ATP11B: variants seen among roughly 807,000 people sequenced by gnomAD.
ATP11B encodes ATPase phospholipid transporting 11B (putative).
ATP11B carries 81 observed loss-of-function variants against 157.8 expected under a neutral mutation model. That is an observed-to-expected ratio of 0.51 (90% CI 0.43 to 0.62). The LOEUF (loss-of-function observed/expected upper bound fraction) is 0.62. Ranked by LOEUF, ATP11B falls within the 20% of genes least tolerant of loss-of-function variation. The probability of loss-of-function intolerance (pLI) is 0.00; values close to 1 mark genes in which losing one functional copy is unlikely to be tolerated. For synonymous variants in ATP11B, 451 were observed against 469.4 expected (o/e 0.96, Z 0.51); for missense variants, 1,165 against 1,402.2 (o/e 0.83, Z 2.70).
chr3:182,884,937 A>G, intron 22 of ATP11B, 39 bp downstream of exon 22: 1 of 1,147,308 alleles, frequency 8.7e-7, no homozygotes, highest in Non-Finnish European at 1.2e-6. Context: ...TTGATATAGT[A>G]ATATGAAGTT....
intron 15 of ATP11B, 59 bp downstream of exon 15, chr3:182,867,503 AG>A (rs1721334088): frequency 8.4e-7 from 1 of 1,194,658 alleles, no homozygotes; most frequent in Non-Finnish European, 1.2e-6. Flanking sequence ...GTATAGAATA[AG>A]GATCAGTAAA....
intron 23 of ATP11B, among the ~76,000 whole-genome samples, chr3:182,887,300 G>A (rs1722863041): frequency 6.6e-6 from 1 of 152,150 alleles, no homozygotes; most frequent in Non-Finnish European, 1.5e-5. Context: ...ACTTCACAGT[G>A]ATCAAATTGT....
At chr3:182,837,796 A>G (rs927735158) in intron 7 of ATP11B, among the ~76,000 whole-genome samples, 2 of 152,116 alleles carry the variant, frequency 1.3e-5, no homozygotes, top group African/African-American at 4.8e-5. Flanking sequence ...AAGGAGAGAA[A>G]GGAACAGAGG....
rs1719702893 is a variant in ATP11B, at chr3:182,848,358, CA to C, written c.770-114del. On this transcript the variant is annotated intron_variant, in intron 9 of 29. Transcript: ENST00000323116. ...TACTCTGAAAATACTTAAAGAAAAG[CA>C]AAATTATAACAACTGTCAGACAGTA... 6 of 555,964 alleles carry C rather than the reference CA, an allele frequency of 1.1e-5. No homozygotes were observed. In the East Asian group the frequency reaches 2.4e-4, roughly 22 times the overall value. The allele number at this position is 555,964 out of a possible 1,614,324, so 34.4% of individuals were successfully genotyped here.
rs147760791 is a variant in ATP11B, at chr3:182,851,264, C to A, written c.851+2707C>A. 9.9e-3 allele frequency among the ~76,000 whole-genome samples: 1,511 copies of A among 152,262 alleles called. 74 individuals carry two copies. The East Asian group carries it at 0.16, about 16-fold the overall frequency. On this transcript the variant is annotated intron_variant, in intron 10 of 29. Transcript: ENST00000323116. ...CGAGATCGCACCACTGAACTCCAGC[C>A]TGGGTGACAGAGCGAGACTCCATCT...
At chr3:182,844,463 CATA>C (rs1008785031) in intron 8 of ATP11B, 13 of 651,344 alleles carry the variant, frequency 2.0e-5, no homozygotes, top group Non-Finnish European at 2.5e-5. Flanking sequence ...TTAACTTTTC[CATA>C]GAAGATTCTT....
rs1720537872 is a variant in ATP11B, at chr3:182,857,912, A to G, written c.886A>G (p.Ile296Val). Residue 296 changes from isoleucine to valine, a missense_variant, in exon 11 of 30, where the codon ATT (isoleucine) becomes GTT (valine). Physicochemically the swap from Ile to Val is conservative, Grantham distance 29 (BLOSUM62 3). Around this residue, in one of 4 missense-constraint regions of ATP11B, gnomAD observed 737 missense variants for 930.5 expected, o/e 0.79. Coordinates refer to ENST00000323116, the MANE Select transcript of ATP11B (RefSeq NM_014616.3). ...TACATTTTTGATAATTTATCTAGTA[A>G]TTCTTATATCTGAAGCTGTCATCAG... Reference protein sequence around the residue: ...MNTFLIIYLVILISEAVISTI... With the variant: ...MNTFLIIYLVVLISEAVISTI... 6.4e-7 allele frequency: 1 copy of G among 1,557,472 alleles called. No homozygotes were observed. Among genetic ancestry groups the G allele is most frequent in the Admixed American group, 1.7e-5 (1 of 59,506 alleles).
chr3:182,898,608 C>T lies in ATP11B; in HGVS notation c.3154C>T (p.Pro1052Ser), dbSNP rs777840897. The change falls in exon 28 of 30, where the codon CCA (proline) becomes TCA (serine). Residue 1052 changes from proline (P) to serine (S), a missense_variant and splice_region_variant. This residue lies in a region of ATP11B where 303 missense variants were observed against 296.3 expected (regional missense o/e 1.02). Transcript: ENST00000323116. ...TAAGCACATTTTCTTTCTTTGCAGG[C>T]CATTTTTGGGCTCCCAGAATATGTA... ...FSLFYGGILW[P>S]FLGSQNMYFV... 2 of 1,584,772 alleles carry T rather than the reference C, an allele frequency of 1.3e-6. No homozygotes were observed. Among genetic ancestry groups the T allele is most frequent in the Admixed American group, 3.6e-5 (2 of 55,510 alleles).
In ATP11B at chr3:182,859,293, G is replaced by A. The variant is rs567276883; in HGVS notation, c.1134G>A (p.Leu378=). The change falls in exon 12 of 30, where the codon CTG becomes CTA. Residue 378 remains leucine, a synonymous_variant. Coordinates refer to ENST00000323116, the MANE Select transcript of ATP11B (RefSeq NM_014616.3). The part of the protein sequence containing the change: ...GSFFIGWDLD[L]YHEESDQKAQ... ...TTTTTATTGGCTGGGATCTTGATCT[G>A]TATCATGAAGAATCAGATCAGAAAG... The A allele has an allele frequency of 6.2e-7, 1 of 1,611,026 alleles. No individual in the cohort carries two copies. Among genetic ancestry groups the A allele is most frequent in the South Asian group, 1.1e-5 (1 of 90,574 alleles).
chr3:182,795,102 T>G (rs1715519515), intron 1 of ATP11B, among the ~76,000 whole-genome samples: 1 of 152,208 alleles, frequency 6.6e-6, no homozygotes, highest in African/African-American at 2.4e-5. Context: ...GGTCTCTGTT[T>G]TTAGCATTGT....
intron 7 of ATP11B, 60 bp from the exon 8 acceptor site, chr3:182,842,015 A>C (rs1719086676): frequency 8.2e-7 from 1 of 1,219,132 alleles, no homozygotes; most frequent in South Asian, 1.3e-5. Context: ...TGGTGCAAAA[A>C]AACAGCCATT....
chr3:182,912,448 CTT>C (rs11360803), intron 28 of ATP11B, among the ~76,000 whole-genome samples: 1 of 146,950 alleles, frequency 6.8e-6, no homozygotes, highest in African/African-American at 2.5e-5. Flanking sequence ...CACTGACCCC[CTT>C]TTTTTTTTTC....
chr3:182,903,903 TATATC>T (rs1326860820), intron 28 of ATP11B, among the ~76,000 whole-genome samples: 1 of 152,256 alleles, frequency 6.6e-6, no homozygotes, highest in Non-Finnish European at 1.5e-5. Context: ...CATATTTTCA[TATATC>T]ATACTGGCTT....
At chr3:182,810,389 A>G (rs1716582798) in intron 1 of ATP11B, among the ~76,000 whole-genome samples, 1 of 152,166 alleles carries the variant, frequency 6.6e-6, no homozygotes, top group African/African-American at 2.4e-5. Flanking sequence ...ATGCTAAGTA[A>G]TCATTTCTCT....
intron 1 of ATP11B, among the ~76,000 whole-genome samples, chr3:182,810,254 C>T (rs1391279074): frequency 6.6e-6 from 1 of 152,022 alleles, no homozygotes; most frequent in Admixed American, 6.6e-5. Context: ...ATTGCTTGAA[C>T]CCAGGAGGTG....
At position 182,868,512 on chromosome 3, in the gene ATP11B, G is replaced by C. The variant is rs559794020; in HGVS notation, c.1689-566G>C. ...TGGAAGACTTTAAGCCACACCTCAT[G>C]TAGCCACACAAATTCTTTTACAGCT... On this transcript the variant is annotated intron_variant, in intron 15 of 29. Transcript: ENST00000323116. Among the ~76,000 whole-genome samples the C allele has an allele frequency of 3.9e-5, 6 of 152,048 alleles. No individual in the cohort carries two copies. In the East Asian group the frequency reaches 1.2e-3, roughly 29 times the overall value.
intron 4 of ATP11B, chr3:182,830,105 A>T (rs1288277737): frequency 6.4e-6 from 2 of 310,662 alleles, no homozygotes; most frequent in Admixed American, 6.5e-5. Context: ...TTCAAAAGAG[A>T]TATGTTTATA....
rs1480966808 is a variant in ATP11B at position 182,833,031 on chromosome 3, TATG to T, written c.316-3001_316-2999del. 5.9e-5 allele frequency among the ~76,000 whole-genome samples: 9 copies of T among 152,262 alleles called. No homozygotes were observed. The South Asian group carries it at 1.9e-3, about 32-fold the overall frequency. ...TAAAATATCAGACAATAAATTGTGA[TATG>T]ATAATCACTTGAATATTTAGAAAAA... is the stretch of plus-strand genomic sequence containing the variant. On this transcript the variant is annotated intron_variant, in intron 4 of 29. Transcript: ENST00000323116.
At chr3:182,891,448 C>G (rs1441266470) in intron 25 of ATP11B, among the ~76,000 whole-genome samples, 1 of 151,964 alleles carries the variant, frequency 6.6e-6, no homozygotes, top group Non-Finnish European at 1.5e-5. Context: ...TTCTTTTTTG[C>G]TATTTTCATT....
Sources: allele counts gnomAD v4.1 joint callset (sites outside exome capture counted in the v4.1 genomes callset), GRCh38; gene constraint gnomAD v4.1.1; regional missense constraint gnomAD v4.1.1; transcripts MANE v1.5; gene names NCBI Gene and HGNC (gene_info 2026-07-23, HGNC 2026-07-21).